Variants in ARSG observed in about 807,000 individuals in gnomAD.
The protein encoded by ARSG is ASG.
ARSG carries 37 observed loss-of-function variants against 50.5 expected under a neutral mutation model. The ratio of observed to expected loss-of-function variants is 0.73; its 90% CI spans 0.56 to 0.96. The LOEUF (loss-of-function observed/expected upper bound fraction) is 0.96. ARSG is among the 50% of genes least tolerant of loss of function. ARSG has a pLI of 0.00. For missense variants in ARSG, 629 were observed against 675.3 expected, an observed-to-expected ratio of 0.93 and a Z score of 0.76; for synonymous variants, 225 against 254.6, an observed-to-expected ratio of 0.88 and a Z score of 1.11.
rs2147613552 is a variant in ARSG at position 68,420,397 on chromosome 17, T to C, written c.1512T>C (p.Thr504=). ...ANDNISSADY[T]QDPSVTPCCN... is the part of the protein sequence containing the mutation. ...ACAACATCTCCAGCGCAGATTACAC[T>C]CAGGACCCTTCAGTAACTCCCTGCT... Residue 504 remains threonine, a synonymous_variant, in exon 12 of 12, where the codon ACT becomes ACC. Transcript: ENST00000621439. 1.9e-6 allele frequency: 3 copies of C among 1,614,116 alleles called. No individual in the cohort carries two copies. Among genetic ancestry groups the C allele is most frequent in the African/African-American group, 1.3e-5 (1 of 75,008 alleles).
chr17:68,435,221 A>AT, the ARSG span, among the ~76,000 whole-genome samples: 1 of 151,646 alleles, frequency 6.6e-6, no homozygotes, highest in Admixed American at 6.6e-5. Context: ...AAAAAAAAAA[A>AT]ATTCAATTGG....
the ARSG span, among the ~76,000 whole-genome samples, chr17:68,442,235 G>A: frequency 3.3e-5 from 5 of 152,138 alleles, no homozygotes; most frequent in Non-Finnish European, 5.9e-5. Context: ...AGGCCAAGGC[G>A]GGCGGATCAC....
chr17:68,264,827 T>C (rs1555745979), intron 1 of ARSG, among the ~76,000 whole-genome samples: 2 of 151,968 alleles, frequency 1.3e-5, no homozygotes, highest in Admixed American at 6.5e-5. Flanking sequence ...TCAACAAGCT[T>C]AAAGCAGAAT....
the ARSG span, among the ~76,000 whole-genome samples, chr17:68,440,253 T>A: frequency 3.7e-3 from 567 of 152,338 alleles, 2 homozygotes; most frequent in Middle Eastern, 0.01. Context: ...CTACTGTGAC[T>A]TCCCTATGGC....
the ARSG span, chr17:68,436,283 G>A: frequency 6.4e-5 from 68 of 1,063,916 alleles, no homozygotes; most frequent in Non-Finnish European, 8.4e-5. Flanking sequence ...TACTCCCACC[G>A]CCTCCAGCCC....
chr17:68,411,177 G>C lies in ARSG; in HGVS notation c.1304-9012G>C, dbSNP rs558616095. Reference sequence around the variant, plus strand: ...TTGCCTTCTGCTAGCTTTTGAATGTGTTTGCTCTTGCTTTTCTGGTTCTTT... The same window carrying C: ...TTGCCTTCTGCTAGCTTTTGAATGTCTTTGCTCTTGCTTTTCTGGTTCTTT... On this transcript the variant is annotated intron_variant, in intron 11 of 11. Transcript: ENST00000621439. Among the ~76,000 whole-genome samples, 11 of 152,294 alleles carry C rather than the reference G, an allele frequency of 7.2e-5. No homozygotes were observed. In the East Asian group the frequency reaches 2.1e-3, roughly 29 times the overall value.
At chr17:68,266,371 A>ATG (rs2075159546) in intron 1 of ARSG, among the ~76,000 whole-genome samples, 1 of 118,516 alleles carries the variant, frequency 8.4e-6, no homozygotes, top group African/African-American at 3.1e-5. Flanking sequence ...TGATCAAAGT[A>ATG]TATATATGTA....
rs559466890 is a variant in ARSG at position 68,391,161 on chromosome 17, T to C, written c.1092-3912T>C. Among the ~76,000 whole-genome samples, 103 of 152,136 alleles carry C rather than the reference T, an allele frequency of 6.8e-4. 1 individual carries two copies. The highest frequency in any genetic ancestry group is 3.9e-4 in the African/African-American group (16 of 41,508). Reference sequence around the variant, plus strand: ...GCTGGGGTGCCCTTGGTAGCCTTAGTAGGGTGGATGCTTTCTTCAAGTTCT... The same window carrying C: ...GCTGGGGTGCCCTTGGTAGCCTTAGCAGGGTGGATGCTTTCTTCAAGTTCT... On this transcript the variant is annotated intron_variant, in intron 9 of 11. Coordinates refer to ENST00000621439, the MANE Select transcript of ARSG (RefSeq NM_001267727.2).
the ARSG span, among the ~76,000 whole-genome samples, chr17:68,437,196 T>C: frequency 6.6e-6 from 1 of 152,060 alleles, no homozygotes; most frequent in African/African-American, 2.4e-5. Flanking sequence ...CTGCAGATGA[T>C]TATATACTGT....
At chr17:68,265,083 G>A (rs2075130458) in intron 1 of ARSG, among the ~76,000 whole-genome samples, 1 of 151,240 alleles carries the variant, frequency 6.6e-6, no homozygotes, top group Non-Finnish European at 1.5e-5. Flanking sequence ...GAACCCAGGA[G>A]GTGGAGGTTG....
At chr17:68,296,377 G>T (rs1272297772) in intron 1 of ARSG, among the ~76,000 whole-genome samples, 1 of 152,144 alleles carries the variant, frequency 6.6e-6, no homozygotes, top group East Asian at 1.9e-4. Flanking sequence ...GTCTAAACAG[G>T]TACCTCCTGT....
chr17:68,323,033 A>G (rs2077355823), intron 2 of ARSG, among the ~76,000 whole-genome samples: 1 of 149,380 alleles, frequency 6.7e-6, no homozygotes, highest in African/African-American at 2.6e-5. Context: ...TTAATAAGAG[A>G]GGGCTCTCTC....
the ARSG span, chr17:68,433,368 T>C: frequency 1.8e-6 from 2 of 1,104,498 alleles, no homozygotes; most frequent in South Asian, 1.3e-5. Flanking sequence ...GAAGCCAAGA[T>C]TGGGTGTTCA....
the ARSG span, chr17:68,451,013 C>T: frequency 3.3e-5 from 46 of 1,375,886 alleles, no homozygotes; most frequent in Non-Finnish European, 4.1e-5. Context: ...CGGGTCTTGC[C>T]GGCCAGGCGC....
rs374939877 is a variant in ARSG at position 68,320,324 on chromosome 17, GGAAGA to G, written c.218+12617_218+12621del. 7.4e-4 allele frequency among the ~76,000 whole-genome samples: 113 copies of G among 152,064 alleles called. 1 individual carries two copies. The South Asian group carries it at 0.021, about 28-fold the overall frequency. On this transcript the variant is annotated intron_variant, in intron 2 of 11. Transcript: ENST00000621439. ...AAAAAGATAGTGCCGTGGGGCTACA[GGAAGA>G]GAAAAGTCATTTCTCTAGAGCAAAG... is the stretch of plus-strand genomic sequence containing the variant.
At chr17:68,385,751 C>A (rs2080692972) in intron 9 of ARSG, among the ~76,000 whole-genome samples, 1 of 152,082 alleles carries the variant, frequency 6.6e-6, no homozygotes, top group Non-Finnish European at 1.5e-5. Flanking sequence ...TCAGCCTGTG[C>A]CAAGCTGACC....
chr17:68,352,111 GAGAC>G (rs1364832176), intron 5 of ARSG, among the ~76,000 whole-genome samples: 40 of 121,632 alleles, frequency 3.3e-4, no homozygotes, highest in African/African-American at 6.5e-4. Flanking sequence ...GAGAGAGAGA[GAGAC>G]AGAGGAGAGA....
Position 68,327,642 on chromosome 17 carries a change from C to T in ARSG, c.219-15962C>T, listed in dbSNP as rs80238926. On this transcript the variant is annotated intron_variant, in intron 2 of 11. Transcript: ENST00000621439. ...CTACTTCGGTATAATCTCATCTTAACTTAAAATTACCTCTGCAATCACCCT... is the reference window on the plus strand; with the variant it reads ...CTACTTCGGTATAATCTCATCTTAATTTAAAATTACCTCTGCAATCACCCT... Among the ~76,000 whole-genome samples the T allele has an allele frequency of 4.7e-3, 720 of 152,310 alleles. 11 individuals carry two copies. Among genetic ancestry groups the T allele is most frequent in the African/African-American group, 0.016 (650 of 41,562 alleles).
chr17:68,368,107 G>A (rs1171369320), intron 6 of ARSG, among the ~76,000 whole-genome samples: 1 of 152,140 alleles, frequency 6.6e-6, no homozygotes, highest in Non-Finnish European at 1.5e-5. Context: ...GGCTGAGAAT[G>A]GACAGGATAG....
Sources: gnomAD v4.1 joint callset for allele counts (sites outside exome capture counted in the v4.1 genomes callset) on GRCh38, gnomAD v4.1.1 for gene constraint, MANE v1.5 for transcripts, NCBI Gene and HGNC (gene_info 2026-07-23, HGNC 2026-07-21) for gene names.